LIG1: variants seen among roughly 807,000 people sequenced by gnomAD.
LIG1 encodes the protein ligase I, DNA, ATP-dependent.
Under a neutral mutation model 115.7 loss-of-function variants are expected in LIG1, and 70 were observed. The observed-to-expected ratio is 0.60, with a 90% CI of 0.50 to 0.74. The LOEUF (loss-of-function observed/expected upper bound fraction) is 0.74, where lower values mean the gene tolerates loss of function less well. LIG1 is among the 30% of genes least tolerant of loss of function. The pLI is 0.00. For synonymous variants in LIG1, 487 were observed against 495.3 expected (o/e 0.98, Z 0.22); for missense variants, 1,115 against 1,225.6 (o/e 0.91, Z 1.35).
chr19:48,131,118 G>A lies in LIG1; in HGVS notation c.1779C>T (p.Asp593=), dbSNP rs1456840838. The stretch of plus-strand genomic sequence containing the variant: ...TGATGTCCGGGTACTTCCCAGTGTT[G>A]TCTTCCTGATTCCTGCTGAAGATCT... The part of the protein sequence containing the change: ...EVKIFSRNQE[D]NTGKYPDIIS... Residue 593 remains aspartate, a synonymous_variant, in exon 19 of 28, where the codon GAC becomes GAT. Coordinates refer to ENST00000263274, the MANE Select transcript of LIG1 (RefSeq NM_000234.3). 1.9e-6 allele frequency: 3 copies of A among 1,614,002 alleles called. No individual in the cohort carries two copies. The African/African-American group carries it at 4.0e-5, about 22-fold the overall frequency.
At chr19:48,146,270 G>A (rs982402132) in intron 9 of LIG1, among the ~76,000 whole-genome samples, 5 of 152,196 alleles carry the variant, frequency 3.3e-5, no homozygotes, top group Admixed American at 1.3e-4. Flanking sequence ...TTGGGAGGCC[G>A]AGGCAGGCAG....
chr19:48,158,322 A>G (rs1055216262), intron 4 of LIG1, among the ~76,000 whole-genome samples: 3 of 151,744 alleles, frequency 2.0e-5, no homozygotes, highest in South Asian at 2.1e-4. Context: ...GGATGTTCAC[A>G]GGGACAAGGG....
At chr19:48,151,630 C>T (rs3730901) in intron 6 of LIG1, among the ~76,000 whole-genome samples, 17,369 of 151,964 alleles carry the variant, frequency 0.11, 1,675 homozygotes, top group African/African-American at 0.26. Context: ...GGGATTTCAC[C>T]ATGTTGGCCA....
chr19:48,127,338 G>A lies in LIG1; in HGVS notation c.1943C>T (p.Ala648Val), dbSNP rs151010868. The change falls in exon 21 of 28, where the codon GCG becomes GTG. Residue 648 changes from alanine to valine, a missense_variant. By Grantham distance (64) the Ala-to-Val change is moderately conservative (BLOSUM62 0). Coordinates refer to ENST00000263274, the MANE Select transcript of LIG1 (RefSeq NM_000234.3). Reference sequence around the variant, plus strand: ...ACACACCTGCACCTGGATCTCAGACGCATCCACCTCCTGGGTTGGGGCACA... The same window carrying A: ...ACACACCTGCACCTGGATCTCAGACACATCCACCTCCTGGGTTGGGGCACA... ...LTTRKRKEVDASEIQVQVCLY... is the reference protein window; with the variant it reads ...LTTRKRKEVDVSEIQVQVCLY... 85 of 1,613,094 alleles carry A rather than the reference G, an allele frequency of 5.3e-5. No homozygotes were observed. Among genetic ancestry groups the A allele is most frequent in the South Asian group, 4.4e-4 (40 of 91,094 alleles).
In LIG1 at chr19:48,134,005, G is replaced by A. The variant is rs762254049; in HGVS notation, c.1585C>T (p.Pro529Ser). ...VLLEHGLERL[P>S]EHCKLSPGIP... ...CCTGGGCTCAGCTTGCAGTGCTCCG[G>A]GAGACGTTCCAGGCCGTGCTCCAGC... Residue 529 changes from proline (P) to serine (S), a missense_variant, in exon 17 of 28, where the codon CCG becomes TCG. Pro to Ser is a moderately conservative substitution (Grantham distance 74, BLOSUM62 -1). Coordinates refer to ENST00000263274, the MANE Select transcript of LIG1 (RefSeq NM_000234.3). 27 of 1,555,604 alleles carry A rather than the reference G, an allele frequency of 1.7e-5. No homozygotes were observed. The Admixed American group carries it at 2.5e-4, about 15-fold the overall frequency.
At chr19:48,124,680 T>C (rs1226245133) in intron 21 of LIG1, among the ~76,000 whole-genome samples, 1 of 152,256 alleles carries the variant, frequency 6.6e-6, no homozygotes, top group African/African-American at 2.4e-5. Flanking sequence ...TGATTTTATC[T>C]GTTTCTTCTT....
Position 48,115,595 on chromosome 19 carries a change from C to A in LIG1, c.*54G>T, listed in dbSNP as rs374815409. ...TGCTAAAAAGCAAAGGCAATAATAACCCTGGGGTCCGTCCAACTCATGCCC... is the reference window on the plus strand; with the variant it reads ...TGCTAAAAAGCAAAGGCAATAATAAACCTGGGGTCCGTCCAACTCATGCCC... On this transcript the variant is annotated 3_prime_UTR_variant, in exon 28 of 28. Transcript: ENST00000263274. The A allele has an allele frequency of 1.5e-6, 2 of 1,330,138 alleles. No individual in the cohort carries two copies. Among genetic ancestry groups the A allele is most frequent in the Admixed American group, 3.4e-5 (2 of 59,374 alleles). 82.4% of individuals were successfully genotyped at this position (1,330,138 alleles called of 1,614,324 possible).
chr19:48,161,359 G>T lies in LIG1; in HGVS notation c.243+13C>A, dbSNP rs1458990453. Reference sequence around the variant, plus strand: ...TTCTTCTGGTAAAAATGGGCAGGGTGATGGGGACCTACCTGGCCTTTAGCA... The same window carrying T: ...TTCTTCTGGTAAAAATGGGCAGGGTTATGGGGACCTACCTGGCCTTTAGCA... On this transcript the variant is annotated intron_variant, in intron 4 of 27. Transcript: ENST00000263274. 3.1e-6 allele frequency: 5 copies of T among 1,614,174 alleles called. No homozygotes were observed. In the South Asian group the frequency reaches 5.5e-5, roughly 18 times the overall value.
chr19:48,150,114 G>C lies in LIG1; in HGVS notation c.671C>G (p.Ala224Gly), dbSNP rs1384960750. ...EEEQTKPPRR[A>G]PKTLSSFFTP... ...GAAGAAGCTGCTGAGCGTCTTGGGA[G>C]CTCTGCGGGGAGGCTTGGTCTGCTC... is the stretch of plus-strand genomic sequence containing the variant. The change falls in exon 8 of 28, where the codon GCT becomes GGT. Residue 224 changes from alanine to glycine, a missense_variant. Transcript: ENST00000263274. The C allele has an allele frequency of 6.2e-7, 1 of 1,614,202 alleles. No individual in the cohort carries two copies. Among genetic ancestry groups the C allele is most frequent in the African/African-American group, 1.3e-5 (1 of 75,056 alleles).
At chr19:48,159,773 A>C (rs1599871994) in intron 4 of LIG1, among the ~76,000 whole-genome samples, 1 of 152,280 alleles carries the variant, frequency 6.6e-6, no homozygotes, top group East Asian at 1.9e-4. Context: ...GCTGGAGTGC[A>C]GTGGCACGAT....
chr19:48,143,853 G>A, intron 10 of LIG1, 30 bp downstream of exon 10: 2 of 1,578,736 alleles, frequency 1.3e-6, no homozygotes, highest in East Asian at 2.2e-5. Flanking sequence ...GGGACCGGAG[G>A]GGGACAGTCT....
intron 9 of LIG1, 88 bp from the exon 10 acceptor site, chr19:48,144,051 T>A (rs2096942239): frequency 9.3e-7 from 1 of 1,077,230 alleles, no homozygotes; most frequent in Non-Finnish European, 1.4e-6. Flanking sequence ...CAGGCTCTGT[T>A]CAAGGCACAC....
At chr19:48,128,071 T>A in intron 19 of LIG1, 51 bp from the exon 20 acceptor site, 12 of 1,385,290 alleles carry the variant, frequency 8.7e-6, no homozygotes, top group Non-Finnish European at 1.2e-5. Context: ...GAAGATGAGG[T>A]GGAAAGACAA....
At chr19:48,149,340 G>A (rs2035322658) in intron 9 of LIG1, among the ~76,000 whole-genome samples, 1 of 152,174 alleles carries the variant, frequency 6.6e-6, no homozygotes, top group South Asian at 2.1e-4. Flanking sequence ...GGAACAGAGA[G>A]GTAGGAAGTG....
In LIG1 at chr19:48,127,082, C is replaced by T. The variant is rs2033720802; in HGVS notation, c.2004+195G>A. On this transcript the variant is annotated intron_variant, in intron 21 of 27. Coordinates refer to ENST00000263274, the MANE Select transcript of LIG1 (RefSeq NM_000234.3). ...AATGTGGAGTTGGAAAGAGAGGGAC[C>T]TTGAAGATGTCCTTGAAAGAATCTT... 2.2e-5 allele frequency: 13 copies of T among 601,922 alleles called. No homozygotes were observed. In the Admixed American group the frequency reaches 3.2e-4, roughly 15 times the overall value. 37.3% of individuals were successfully genotyped at this position (601,922 alleles called of 1,614,324 possible).
At chr19:48,136,314 C>T (rs1895385982) in intron 14 of LIG1, among the ~76,000 whole-genome samples, 189 bp from the exon 15 acceptor site, 1 of 152,204 alleles carries the variant, frequency 6.6e-6, no homozygotes, top group Admixed American at 6.5e-5. Context: ...CTGAGCCAGG[C>T]AGTAATGATC....
chr19:48,157,263 G>A, intron 4 of LIG1, 123 bp from the exon 5 acceptor site: 1 of 1,112,920 alleles, frequency 9.0e-7, no homozygotes, highest in Non-Finnish European at 1.2e-6. Flanking sequence ...TATGGTCTCA[G>A]CCCTAACTCA....
intron 9 of LIG1, 64 bp from the exon 10 acceptor site, chr19:48,144,027 C>A: frequency 7.8e-7 from 1 of 1,284,090 alleles, no homozygotes; most frequent in South Asian, 1.2e-5. Flanking sequence ...TCATTCCTTC[C>A]AACTGTGATG....
chr19:48,165,478 T>C (rs1054903241), intron 2 of LIG1, 72 bp downstream of exon 2: 4 of 1,212,296 alleles, frequency 3.3e-6, no homozygotes, highest in Non-Finnish European at 4.9e-6. Context: ...TTTGTTTTTT[T>C]AAGTACAGAT....
Sources: gnomAD v4.1 joint callset for allele counts (sites outside exome capture counted in the v4.1 genomes callset) on GRCh38, gnomAD v4.1.1 for gene constraint, MANE v1.5 for transcripts, NCBI Gene and HGNC (gene_info 2026-07-23, HGNC 2026-07-21) for gene names.